The following CDK19 variants were observed in gnomAD, a reference collection of about 807,000 sequenced individuals.
CDK19 encodes the protein cyclin dependent kinase 19.
A neutral mutation model predicts 68.3 loss-of-function variants in CDK19; 20 were observed. The observed-to-expected ratio is 0.29, with a 90% CI of 0.21 to 0.43. CDK19 has a LOEUF of 0.43. CDK19 is among the 20% of genes least tolerant of loss of function. The pLI is 1.00. For missense variants in CDK19, 339 were observed against 623.5 expected, an observed-to-expected ratio of 0.54 and a Z score of 4.86; for synonymous variants, 221 against 222.8, an observed-to-expected ratio of 0.99 and a Z score of 0.07.
At chr6:110,707,728 T>TG (rs1307986233) in intron 2 of CDK19, among the ~76,000 whole-genome samples, 9 of 152,160 alleles carry the variant, frequency 5.9e-5, no homozygotes, top group African/African-American at 2.2e-4. Context: ...CCCAACACTT[T>TG]GGGAAGCTGA....
At chr6:110,716,128 ATAAT>A (rs1775369439) in intron 2 of CDK19, among the ~76,000 whole-genome samples, 1 of 152,214 alleles carries the variant, frequency 6.6e-6, no homozygotes, top group Admixed American at 6.5e-5. Context: ...TTAAAATAAG[ATAAT>A]TAATTTAAAG....
At position 110,815,239 on chromosome 6, in the gene CDK19, T is replaced by TCGCG. The variant is rs1554229333; in HGVS notation, c.-104_-103insCGCG. The TCGCG allele has an allele frequency of 9.6e-6, 11 of 1,148,834 alleles. No individual in the cohort carries two copies. The highest frequency in any genetic ancestry group is 8.8e-5 in the African/African-American group (5 of 56,752). 71.2% of individuals were successfully genotyped at this position (1,148,834 alleles called of 1,614,324 possible). On this transcript the variant is annotated 5_prime_UTR_variant, in exon 1 of 13. Coordinates refer to ENST00000368911, the MANE Select transcript of CDK19 (RefSeq NM_015076.5). ...CCGCTCCACTTCTCCAACAGCCGCC[T>TCGCG]CTCGCGCGCGCGCGCGCGCCGCCCG...
At chr6:110,737,321 G>C (rs368634554) in intron 2 of CDK19, among the ~76,000 whole-genome samples, 23 of 152,290 alleles carry the variant, frequency 1.5e-4, no homozygotes, top group African/African-American at 4.8e-4. Flanking sequence ...TAACACAAAA[G>C]TGAGAAGGAA....
At chr6:110,753,277 A>G in intron 1 of CDK19, among the ~76,000 whole-genome samples, 1 of 152,036 alleles carries the variant, frequency 6.6e-6, no homozygotes, top group Admixed American at 6.6e-5. Context: ...TATTTCCTTC[A>G]TTTAGAATTC....
At chr6:110,702,927 A>G (rs2114646991) in intron 2 of CDK19, among the ~76,000 whole-genome samples, 1 of 152,298 alleles carries the variant, frequency 6.6e-6, no homozygotes, top group South Asian at 2.1e-4. Flanking sequence ...ACAAATAGCA[A>G]TTGTGATATT....
intron 5 of CDK19, among the ~76,000 whole-genome samples, chr6:110,637,944 T>C (rs1779889107): frequency 6.6e-6 from 1 of 152,064 alleles, no homozygotes; most frequent in Non-Finnish European, 1.5e-5. Flanking sequence ...GATCGCGCCA[T>C]TGCACTCCAG....
Position 110,618,350 on chromosome 6 carries a change from C to T in CDK19, c.1377+2754G>A, listed in dbSNP as rs1778479440. ...GTTTTGCCATGTTGGCCAGGATGGTCTTGAACTCCTGACCTCAGGTGATCC... is the reference window on the plus strand; with the variant it reads ...GTTTTGCCATGTTGGCCAGGATGGTTTTGAACTCCTGACCTCAGGTGATCC... On this transcript the variant is annotated intron_variant, in intron 12 of 12. Coordinates refer to ENST00000368911, the MANE Select transcript of CDK19 (RefSeq NM_015076.5). Among the ~76,000 whole-genome samples, 7 of 152,286 alleles carry T rather than the reference C, an allele frequency of 4.6e-5. No individual in the cohort carries two copies. In the South Asian group the frequency reaches 1.5e-3, roughly 32 times the overall value.
intron 1 of CDK19, among the ~76,000 whole-genome samples, chr6:110,790,285 C>T (rs2115065722): frequency 6.6e-6 from 1 of 152,256 alleles, no homozygotes; most frequent in South Asian, 2.1e-4. Context: ...CCTGTAATCC[C>T]AGCACTTTGG....
intron 1 of CDK19, among the ~76,000 whole-genome samples, chr6:110,806,029 C>T (rs919250595): frequency 6.6e-6 from 1 of 150,750 alleles, no homozygotes; most frequent in Non-Finnish European, 1.5e-5. Context: ...TGATTTATAG[C>T]TCATTTTTAT....
At chr6:110,645,737 T>G (rs1582764849) in intron 4 of CDK19, 1 of 490,280 alleles carries the variant, frequency 2.0e-6, no homozygotes. Flanking sequence ...TCCCTACAGG[T>G]GGTGTCCACG....
At chr6:110,668,439 T>C (rs1782082322) in intron 3 of CDK19, among the ~76,000 whole-genome samples, 1 of 152,200 alleles carries the variant, frequency 6.6e-6, no homozygotes, top group Non-Finnish European at 1.5e-5. Context: ...TTGATTTGAT[T>C]TTAAGAAATA....
chr6:110,679,470 G>A (rs1398704418), intron 2 of CDK19, among the ~76,000 whole-genome samples: 2 of 152,124 alleles, frequency 1.3e-5, no homozygotes, highest in Non-Finnish European at 2.9e-5. Context: ...AAATTAGCCA[G>A]GCGTGGTGGT....
intron 2 of CDK19, among the ~76,000 whole-genome samples, chr6:110,737,528 A>C (rs1777334248): frequency 6.6e-6 from 1 of 152,226 alleles, no homozygotes. Context: ...TAACAGGCAT[A>C]GTAGAGCAGA....
chr6:110,634,278 G>A (rs774233796), intron 5 of CDK19, among the ~76,000 whole-genome samples: 1 of 152,248 alleles, frequency 6.6e-6, no homozygotes, highest in East Asian at 1.9e-4. Flanking sequence ...GTGCTGTGGT[G>A]CCACCTCAGC....
intron 4 of CDK19, among the ~76,000 whole-genome samples, chr6:110,640,421 T>C (rs1178590489): frequency 2.0e-5 from 3 of 152,142 alleles, no homozygotes; most frequent in Non-Finnish European, 4.4e-5. Context: ...TCCAATGTCT[T>C]GTCAGCAGAA....
At chr6:110,754,716 G>A (rs1053405874) in intron 1 of CDK19, among the ~76,000 whole-genome samples, 46 of 151,984 alleles carry the variant, frequency 3.0e-4, no homozygotes, top group African/African-American at 9.7e-4. Context: ...TCCTGACCTC[G>A]TGATGCACCC....
At chr6:110,738,466 G>A (rs192949385) in intron 2 of CDK19, among the ~76,000 whole-genome samples, 11 of 152,218 alleles carry the variant, frequency 7.2e-5, no homozygotes, top group Non-Finnish European at 1.0e-4. Context: ...GTTGCAGTGA[G>A]CCGAGATCGC....
At chr6:110,745,574 T>C (rs140777721) in intron 2 of CDK19, among the ~76,000 whole-genome samples, 1 of 152,280 alleles carries the variant, frequency 6.6e-6, no homozygotes, top group African/African-American at 2.4e-5. Context: ...TAAAATTCCA[T>C]CACAATTTTA....
chr6:110,738,157 A>G (rs958945661), intron 2 of CDK19, among the ~76,000 whole-genome samples: 21 of 152,160 alleles, frequency 1.4e-4, no homozygotes, highest in African/African-American at 4.8e-4. Context: ...CCACTAATCT[A>G]TACTTTCATA....
Sources: allele counts gnomAD v4.1 joint callset (sites outside exome capture counted in the v4.1 genomes callset), GRCh38; gene constraint gnomAD v4.1.1; transcripts MANE v1.5; gene names NCBI Gene and HGNC (gene_info 2026-07-23, HGNC 2026-07-21).